The following RBFOX1 variants were observed in gnomAD, a reference collection of about 807,000 sequenced individuals.
RBFOX1 encodes the protein RNA binding fox-1 homolog 1.
A neutral mutation model predicts 57.7 loss-of-function variants in RBFOX1; 8 were observed. That is an observed-to-expected ratio of 0.14 (90% CI 0.08 to 0.25). The LOEUF (loss-of-function observed/expected upper bound fraction) is 0.25. Ranked by LOEUF, RBFOX1 falls within the 10% of genes least tolerant of loss-of-function variation. RBFOX1 has a pLI of 1.00. For synonymous variants in RBFOX1, 326 were observed against 222.4 expected, an observed-to-expected ratio of 1.47 and a Z score of -4.15; for missense variants, 611 against 548.5, an observed-to-expected ratio of 1.11 and a Z score of -1.14.
chr16:6,768,884 A>T (rs1347156427), intron 3 of RBFOX1, among the ~76,000 whole-genome samples: 3 of 151,952 alleles, frequency 2.0e-5, no homozygotes, highest in Non-Finnish European at 4.4e-5. Context: ...ACCCACCGTC[A>T]TGCTCGGCTA....
At position 5,431,849 on chromosome 16, in the gene RBFOX1, G is replaced by A. The variant is rs75091349; in HGVS notation, c.220-35367G>A. 2.9e-3 allele frequency among the ~76,000 whole-genome samples: 445 copies of A among 152,202 alleles called. 1 individual carries two copies. The highest frequency in any genetic ancestry group is 0.01 in the South Asian group (49 of 4,814). On this transcript the variant is annotated intron_variant, in intron 1 of 2. Transcript: ENST00000585867. ...GTTTGTCCCCCTAACATCCAAAATCGTCCCTACAAATTTCCAGAGCTTCCT... is the reference window on the plus strand; with the variant it reads ...GTTTGTCCCCCTAACATCCAAAATCATCCCTACAAATTTCCAGAGCTTCCT...
chr16:5,391,703 G>A (rs1278648524), intron 1 of RBFOX1, among the ~76,000 whole-genome samples: 1 of 152,014 alleles, frequency 6.6e-6, no homozygotes, highest in East Asian at 1.9e-4. Flanking sequence ...TGTCTTCCCT[G>A]TGTCTACATG....
chr16:5,335,228 C>A (rs1036078612), intron 1 of RBFOX1, among the ~76,000 whole-genome samples: 1 of 151,998 alleles, frequency 6.6e-6, no homozygotes, highest in African/African-American at 2.4e-5. Context: ...CTCATTGATT[C>A]AAAGGAATTC....
At chr16:5,728,201 A>G (rs916787032) in intron 3 of RBFOX1, among the ~76,000 whole-genome samples, 1 of 152,228 alleles carries the variant, frequency 6.6e-6, no homozygotes, top group Non-Finnish European at 1.5e-5. Flanking sequence ...TATACAAACA[A>G]CTTAAGTGTC....
At chr16:7,247,850 G>C (rs899822895) in intron 4 of RBFOX1, among the ~76,000 whole-genome samples, 1 of 152,098 alleles carries the variant, frequency 6.6e-6, no homozygotes, top group Non-Finnish European at 1.5e-5. Flanking sequence ...AGGACTCATG[G>C]ACCCATAGAG....
At chr16:6,518,032 C>G (rs921832131) in intron 2 of RBFOX1, among the ~76,000 whole-genome samples, 3 of 152,106 alleles carry the variant, frequency 2.0e-5, no homozygotes, top group Non-Finnish European at 4.4e-5. Context: ...CTCTGAAGTT[C>G]TTGTCTGTCT....
At chr16:7,606,115 T>C (rs1264066933) in intron 9 of RBFOX1, among the ~76,000 whole-genome samples, 1 of 133,060 alleles carries the variant, frequency 7.5e-6, no homozygotes, top group Non-Finnish European at 1.6e-5. Context: ...CCGACCTGCA[T>C]GGATTTTTTT....
chr16:6,035,430 G>A (rs2095353239), intron 1 of RBFOX1, among the ~76,000 whole-genome samples: 3 of 152,184 alleles, frequency 2.0e-5, no homozygotes, highest in African/African-American at 4.8e-5. Context: ...TCCTCCATTC[G>A]ATCACAGTAG....
intron 11 of RBFOX1, among the ~76,000 whole-genome samples, chr16:7,652,787 T>C (rs963685965): frequency 6.6e-6 from 1 of 152,226 alleles, no homozygotes; most frequent in Non-Finnish European, 1.5e-5. Flanking sequence ...CTTTAAATGC[T>C]GCACAGGAGT....
At chr16:7,067,705 T>C (rs1395520502) in intron 4 of RBFOX1, among the ~76,000 whole-genome samples, 1 of 103,276 alleles carries the variant, frequency 9.7e-6, no homozygotes, top group Admixed American at 1.4e-4. Flanking sequence ...CCCACAACAA[T>C]CCCCAGAGTG....
intron 2 of RBFOX1, among the ~76,000 whole-genome samples, chr16:6,516,535 CTTG>C (rs768143819): frequency 2.0e-5 from 3 of 152,106 alleles, no homozygotes; most frequent in Non-Finnish European, 4.4e-5. Context: ...AAACATAAGG[CTTG>C]TTAATTTTTT....
chr16:6,976,155 C>T (rs573494676), intron 3 of RBFOX1, among the ~76,000 whole-genome samples: 1 of 152,122 alleles, frequency 6.6e-6, no homozygotes, highest in South Asian at 2.1e-4. Flanking sequence ...AACAAAAAAA[C>T]TAGCATTAAC....
At chr16:5,672,667 T>G (rs2050046631) in intron 3 of RBFOX1, among the ~76,000 whole-genome samples, 1 of 152,190 alleles carries the variant, frequency 6.6e-6, no homozygotes, top group Admixed American at 6.5e-5. Context: ...CTCTGATTTT[T>G]TTTCTTTTAT....
At chr16:6,310,025 A>G (rs1010824269) in intron 1 of RBFOX1, among the ~76,000 whole-genome samples, 2 of 152,134 alleles carry the variant, frequency 1.3e-5, no homozygotes, top group Admixed American at 6.5e-5. Flanking sequence ...GGAGCTGGGA[A>G]TATAGGTGCC....
intron 2 of RBFOX1, among the ~76,000 whole-genome samples, chr16:6,618,573 C>G (rs916043367): frequency 6.6e-6 from 1 of 152,174 alleles, no homozygotes; most frequent in Non-Finnish European, 1.5e-5. Flanking sequence ...TGACATGATA[C>G]TCGTTTCGAG....
At chr16:6,162,039 A>G (rs2096883245) in intron 1 of RBFOX1, among the ~76,000 whole-genome samples, 3 of 152,214 alleles carry the variant, frequency 2.0e-5, no homozygotes, top group East Asian at 1.9e-4. Flanking sequence ...CTGCAAAAGC[A>G]TTATAGGAAA....
rs113539983 is a variant in RBFOX1 at position 6,325,960 on chromosome 16, A to G, written c.-64+8903A>G. 7.6e-3 allele frequency among the ~76,000 whole-genome samples: 1,161 copies of G among 152,304 alleles called. 11 individuals carry two copies. The highest frequency in any genetic ancestry group is 0.025 in the African/African-American group (1,025 of 41,558). Reference sequence around the variant, plus strand: ...AGTAACAATGATTGCTGTTATTGCTATTTAAAATAATTATGTGCTGAGAAG... The same window carrying G: ...AGTAACAATGATTGCTGTTATTGCTGTTTAAAATAATTATGTGCTGAGAAG... On this transcript the variant is annotated intron_variant, in intron 2 of 15. Transcript: ENST00000550418.
At chr16:7,137,544 C>T (rs371909911) in intron 4 of RBFOX1, among the ~76,000 whole-genome samples, 2 of 152,240 alleles carry the variant, frequency 1.3e-5, no homozygotes, top group African/African-American at 4.8e-5. Context: ...TCCCCAGCCA[C>T]GTGGAACTGT....
In RBFOX1 at chr16:6,720,169, G is replaced by T. The variant is rs558933613; in HGVS notation, c.-16+65519G>T. 2.0e-4 allele frequency among the ~76,000 whole-genome samples: 30 copies of T among 152,062 alleles called. 1 individual carries two copies. In the South Asian group the frequency reaches 5.8e-3, roughly 30 times the overall value. The stretch of plus-strand genomic sequence containing the variant: ...ATGCTTAGCAAAATATCTGACACAG[G>T]GTAAGGATTTAGTAAATGACAGTAA... On this transcript the variant is annotated intron_variant, in intron 3 of 15. Transcript: ENST00000550418.
Sources: gnomAD v4.1 joint callset for allele counts (sites outside exome capture counted in the v4.1 genomes callset) on GRCh38, gnomAD v4.1.1 for gene constraint, MANE v1.5 for transcripts, NCBI Gene and HGNC (gene_info 2026-07-23, HGNC 2026-07-21) for gene names.